Variants in CXADR observed in about 807,000 individuals in gnomAD.
CXADR encodes CXADR cell adhesion molecule, also known as coxsackievirus and adenovirus receptor.
Under a neutral mutation model 40.3 loss-of-function variants are expected in CXADR, and 20 were observed. The observed-to-expected ratio is 0.50, with a 90% CI of 0.35 to 0.72. The LOEUF (loss-of-function observed/expected upper bound fraction) is 0.72, where lower values mean the gene tolerates loss of function less well. CXADR is among the 30% of genes least tolerant of loss of function. The pLI, the probability that CXADR is intolerant of heterozygous loss-of-function variation, is 0.01. For synonymous variants in CXADR, 150 were observed against 161.3 expected, an observed-to-expected ratio of 0.93 and a Z score of 0.53; for missense variants, 332 against 449.1, an observed-to-expected ratio of 0.74 and a Z score of 2.36.
chr21:17,565,458 G>A lies in CXADR; in HGVS notation c.864G>A (p.Thr288=), dbSNP rs145951623. Reference sequence around the variant, plus strand: ...ATGTGCCACCTCCAAAGAGCCGTACGTCCACTGCCAGAAGCTACATCGGCA... The same window carrying A: ...ATGTGCCACCTCCAAAGAGCCGTACATCCACTGCCAGAAGCTACATCGGCA... ...REDVPPPKSR[T]STARSYIGSN... is the part of the protein sequence containing the mutation. The change falls in exon 7 of 7, where the codon ACG becomes ACA. Residue 288 remains threonine (T), a synonymous_variant. Transcript: ENST00000284878. The A allele has an allele frequency of 7.1e-5, 115 of 1,613,790 alleles. No homozygotes were observed. The highest frequency in any genetic ancestry group is 8.8e-5 in the Non-Finnish European group (104 of 1,179,858).
At chr21:17,582,617 A>T (rs554404986) in intron 7 of CXADR, among the ~76,000 whole-genome samples, 1 of 152,374 alleles carries the variant, frequency 6.6e-6, no homozygotes, top group South Asian at 2.1e-4. Flanking sequence ...TGTTCAACAC[A>T]TAAACTCTCA....
chr21:17,586,477 T>C (rs2061397493), intron 7 of CXADR, among the ~76,000 whole-genome samples: 1 of 149,668 alleles, frequency 6.7e-6, no homozygotes, highest in Non-Finnish European at 1.5e-5. Flanking sequence ...TTATTTTTAT[T>C]CTTGGTAAAG....
intron 7 of CXADR, among the ~76,000 whole-genome samples, chr21:17,581,946 T>TTTGTTTGTTTG (rs200729402): frequency 7.0e-5 from 10 of 143,484 alleles, no homozygotes; most frequent in Admixed American, 3.4e-4. Context: ...TGTTTGTTTG[T>TTTGTTTGTTTG]TTTGTTTGTT....
chr21:17,521,366 A>G (rs1168083278), intron 1 of CXADR, among the ~76,000 whole-genome samples: 1 of 152,134 alleles, frequency 6.6e-6, no homozygotes, highest in South Asian at 2.1e-4. Context: ...TCTGTTACCC[A>G]GGCTGGAGTG....
At position 17,551,894 on chromosome 21, in the gene CXADR, A is replaced by G. The variant is rs370613074; in HGVS notation, c.356A>G (p.Gln119Arg). ...CAACTGTCAGATATTGGCACATATC[A>G]GTGCAAAGTGAAAAAAGCTCCTGGT... The part of the protein sequence containing the change: ...NLQLSDIGTY[Q>R]CKVKKAPGVA... Residue 119 changes from glutamine (Q) to arginine (R), a missense_variant, in exon 3 of 7, where the codon CAG (glutamine) becomes CGG (arginine). Around this residue, in one of 3 missense-constraint regions of CXADR, gnomAD observed 162 missense variants for 198.5 expected, o/e 0.82. Transcript: ENST00000284878. The G allele has an allele frequency of 6.2e-7, 1 of 1,613,836 alleles. No individual in the cohort carries two copies. Among genetic ancestry groups the G allele is most frequent in the African/African-American group, 1.3e-5 (1 of 74,928 alleles).
the CXADR span, among the ~76,000 whole-genome samples, chr21:17,627,809 C>T: frequency 6.6e-6 from 1 of 152,100 alleles, no homozygotes; most frequent in African/African-American, 2.4e-5. Flanking sequence ...TAGGATCCAA[C>T]TTTGTGGACC....
downstream of CXADR, among the ~76,000 whole-genome samples, chr21:17,572,367 G>A (rs1171390147): frequency 2.0e-5 from 3 of 150,710 alleles, no homozygotes; most frequent in Non-Finnish European, 3.0e-5. Flanking sequence ...GTGAGACTCC[G>A]TCTCAAAAAA....
At position 17,514,028 on chromosome 21, in the gene CXADR, T is replaced by C. The variant is rs1600931125; in HGVS notation, c.43+856T>C. Among the ~76,000 whole-genome samples the C allele has an allele frequency of 2.6e-5, 4 of 152,218 alleles. No homozygotes were observed. The South Asian group carries it at 8.3e-4, about 32-fold the overall frequency. On this transcript the variant is annotated intron_variant, in intron 1 of 6. Coordinates refer to ENST00000284878, the MANE Select transcript of CXADR (RefSeq NM_001338.5). ...AGGCATGTGAAAAATGCGTGGACCA[T>C]TAGGAGGCGTAATCATTTTGACACT... is the stretch of plus-strand genomic sequence containing the variant.
At position 17,567,073 on chromosome 21, in the gene CXADR, T is replaced by C; in HGVS notation, c.*1381T>C. On this transcript the variant is annotated 3_prime_UTR_variant, in exon 7 of 7. Transcript: ENST00000284878. ...TGGGTTTATTGTATTTCCCTTAAGA[T>C]TGTGAGGGAGTGTGGATACAGTAGA... The C allele has an allele frequency of 2.0e-6, 2 of 982,634 alleles. No individual in the cohort carries two copies. The highest frequency in any genetic ancestry group is 2.4e-6 in the Non-Finnish European group (2 of 827,498). 60.9% of individuals were successfully genotyped at this position (982,634 alleles called of 1,614,324 possible).
the CXADR span, among the ~76,000 whole-genome samples, chr21:17,634,373 T>C: frequency 6.6e-6 from 1 of 152,244 alleles, no homozygotes; most frequent in Non-Finnish European, 1.5e-5. Flanking sequence ...TTGCGTATCT[T>C]TTTAAAGTCT....
At chr21:17,600,118 T>C in the CXADR span, among the ~76,000 whole-genome samples, 1 of 152,160 alleles carries the variant, frequency 6.6e-6, no homozygotes, top group Admixed American at 6.5e-5. Flanking sequence ...TGTCAAAATA[T>C]GTAACATATG....
In CXADR at chr21:17,552,031, T is replaced by C. The variant is rs796210647; in HGVS notation, c.415+78T>C. 8 of 1,082,288 alleles carry C rather than the reference T, an allele frequency of 7.4e-6. No homozygotes were observed. In the African/African-American group the frequency reaches 9.6e-5, roughly 13 times the overall value. 67.0% of individuals were successfully genotyped at this position (1,082,288 alleles called of 1,614,324 possible). A position where few individuals can be genotyped will look rare whatever the true frequency, so the allele number is the denominator to read the frequency against. On this transcript the variant is annotated intron_variant, in intron 3 of 6. Transcript: ENST00000284878. ...CATAGTACTGTAGTAGCAGCACTTG[T>C]ATAAAATAAAGCTTAATTTTTTAGA...
At chr21:17,634,573 C>A in the CXADR span, among the ~76,000 whole-genome samples, 27 of 152,076 alleles carry the variant, frequency 1.8e-4, no homozygotes, top group African/African-American at 6.3e-4. Flanking sequence ...TATGTATTCT[C>A]CAATACTCTA....
At chr21:17,533,899 A>T (rs1056457071) in intron 1 of CXADR, among the ~76,000 whole-genome samples, 5 of 151,158 alleles carry the variant, frequency 3.3e-5, no homozygotes, top group African/African-American at 1.2e-4. Flanking sequence ...CTCTGAGTAC[A>T]TATTAACAGT....
chr21:17,607,035 C>T, the CXADR span, among the ~76,000 whole-genome samples: 1 of 152,172 alleles, frequency 6.6e-6, no homozygotes, highest in Non-Finnish European at 1.5e-5. Context: ...ATTCTACAGA[C>T]TGAAGTCTCT....
intron 7 of CXADR, among the ~76,000 whole-genome samples, chr21:17,584,998 ATGTT>A (rs1288301264): frequency 2.0e-5 from 3 of 152,214 alleles, no homozygotes; most frequent in African/African-American, 4.8e-5. Context: ...TGCAAAAACA[ATGTT>A]TGTTTTTTTC....
chr21:17,537,880 C>T (rs947083830), intron 1 of CXADR, among the ~76,000 whole-genome samples: 5 of 151,890 alleles, frequency 3.3e-5, no homozygotes, highest in South Asian at 4.2e-4. Flanking sequence ...GGAAAGTGCC[C>T]GTGATGAAAG....
At chr21:17,562,200 G>C (rs1569131919) in intron 6 of CXADR, among the ~76,000 whole-genome samples, 1 of 151,078 alleles carries the variant, frequency 6.6e-6, no homozygotes, top group Non-Finnish European at 1.5e-5. Flanking sequence ...CCCTCAGTGA[G>C]TCTTAATCTC....
At chr21:17,576,775 A>G (rs967945578) in intron 7 of CXADR, 5 of 152,190 alleles carry the variant, frequency 3.3e-5, no homozygotes, top group African/African-American at 1.2e-4. Context: ...TTTCTCTGTC[A>G]CTGTTCAATC....
Sources: gnomAD v4.1 joint callset for allele counts (sites outside exome capture counted in the v4.1 genomes callset) on GRCh38, gnomAD v4.1.1 for gene constraint, gnomAD v4.1.1 regional missense constraint, MANE v1.5 for transcripts, NCBI Gene and HGNC (gene_info 2026-07-23, HGNC 2026-07-21) for gene names.